MTM1: variants seen among roughly 807,000 people sequenced by gnomAD.
MTM1 encodes myotubularin.
MTM1 carries 9 observed loss-of-function variants against 52.1 expected under a neutral mutation model. The ratio of observed to expected loss-of-function variants is 0.17; its 90% CI spans 0.10 to 0.30. MTM1 has a LOEUF of 0.30. MTM1 is among the 10% of genes least tolerant of loss of function. The pLI is 1.00. For missense variants in MTM1, 277 were observed against 470.7 expected, an observed-to-expected ratio of 0.59 and a Z score of 3.81; for synonymous variants, 136 against 163.8, an observed-to-expected ratio of 0.83 and a Z score of 1.29.
intron 6 of MTM1, among the ~76,000 whole-genome samples, chrX:150,621,166 C>T (rs1161829101): frequency 9.3e-6 from 1 of 107,388 alleles, no homozygotes; most frequent in Non-Finnish European, 1.9e-5. Context: ...TTCTTGTTGC[C>T]CTGACCTCTT....
At chrX:150,566,727 G>A (rs1227312111), upstream of MTM1, among the ~76,000 whole-genome samples, 2 of 110,655 alleles carry the variant, frequency 1.8e-5, no homozygotes, top group South Asian at 7.6e-4. Context: ...CAGCTCCATC[G>A]AAAAGCTTTG....
chrX:150,652,122 CTG>C (rs1339678660), intron 10 of MTM1, among the ~76,000 whole-genome samples: 1 of 110,879 alleles, frequency 9.0e-6, no homozygotes, highest in Admixed American at 9.6e-5. Context: ...AAGCTTCAGC[CTG>C]TTTTGTAGAC....
intron 14 of MTM1, among the ~76,000 whole-genome samples, chrX:150,669,554 C>T (rs1179545688): frequency 9.0e-6 from 1 of 111,531 alleles, no homozygotes; most frequent in Non-Finnish European, 1.9e-5. Context: ...TTTTAATAAT[C>T]GCCATTCTGA....
intron 4 of MTM1, among the ~76,000 whole-genome samples, chrX:150,608,041 G>A (rs1005231363): frequency 2.7e-5 from 3 of 110,469 alleles, no homozygotes; most frequent in African/African-American, 9.9e-5. Context: ...GGGGAGGTGA[G>A]AAGAAGCTGA....
At chrX:150,615,485 TAAAAAA>T (rs10583459) in intron 5 of MTM1, among the ~76,000 whole-genome samples, 1 of 100,214 alleles carries the variant, frequency 1.0e-5, no homozygotes, top group Admixed American at 1.1e-4. Flanking sequence ...TTTGAAGTGT[TAAAAAA>T]AAAAAAAAAC....
chrX:150,638,909 A>G, intron 6 of MTM1, 34 bp from the exon 7 acceptor site: 1 of 1,020,780 alleles, frequency 9.8e-7, no homozygotes, highest in Non-Finnish European at 1.4e-6. Context: ...CTGTTCCTTC[A>G]CGCTGAACTT....
chrX:150,653,581 T>G (rs908598025), intron 10 of MTM1, among the ~76,000 whole-genome samples: 1 of 112,414 alleles, frequency 8.9e-6, no homozygotes, highest in Admixed American at 9.4e-5. Context: ...GCCCTGGGTC[T>G]GCTGACAGGT....
intron 4 of MTM1, among the ~76,000 whole-genome samples, chrX:150,609,027 A>C (rs1299746091): frequency 9.1e-6 from 1 of 110,229 alleles, no homozygotes; most frequent in Non-Finnish European, 1.9e-5. Flanking sequence ...ACGGGGTTTC[A>C]CCATGTTGGC....
At chrX:150,598,544 CT>C in intron 3 of MTM1, 47 bp from the exon 4 acceptor site, 1 of 749,241 alleles carries the variant, frequency 1.3e-6, no homozygotes, top group Non-Finnish European at 2.1e-6. Context: ...TGTTGTGTAT[CT>C]TGGTATCTAT....
intron 1 of MTM1, among the ~76,000 whole-genome samples, chrX:150,575,098 C>G (rs184273528): frequency 5.3e-5 from 6 of 112,401 alleles, no homozygotes; most frequent in African/African-American, 1.9e-4. Flanking sequence ...GTTTTGTAAG[C>G]CATATTAAAA....
At chrX:150,669,680 GTC>G (rs1557415094) in intron 14 of MTM1, among the ~76,000 whole-genome samples, 1 of 112,177 alleles carries the variant, frequency 8.9e-6, no homozygotes, top group African/African-American at 3.2e-5. Flanking sequence ...TTTGAGAAGT[GTC>G]TGTTCATATC....
chrX:150,670,735 C>T (rs2040382464), intron 14 of MTM1, among the ~76,000 whole-genome samples: 1 of 111,267 alleles, frequency 9.0e-6, no homozygotes, highest in African/African-American at 3.3e-5. Context: ...TCAGCAGTTC[C>T]ACCCCTAGGA....
intron 3 of MTM1, 62 bp from the exon 4 acceptor site, chrX:150,598,530 C>T: frequency 1.5e-6 from 1 of 664,632 alleles, no homozygotes; most frequent in Admixed American, 2.5e-5. Context: ...AAATTAGTGC[C>T]ATTTGTTGTG....
intron 4 of MTM1, among the ~76,000 whole-genome samples, chrX:150,603,712 G>A (rs927094789): frequency 1.8e-5 from 2 of 112,245 alleles, no homozygotes; most frequent in African/African-American, 6.5e-5. Context: ...CAACTACCAC[G>A]TGGAAATGGC....
chrX:150,612,484 G>A (rs1278727959), intron 4 of MTM1, among the ~76,000 whole-genome samples: 1 of 111,127 alleles, frequency 9.0e-6, no homozygotes, highest in Non-Finnish European at 1.9e-5. Flanking sequence ...TTGAGCCCAG[G>A]AGTTTGAGAC....
At chrX:150,608,251 C>T (rs1179367880) in intron 4 of MTM1, among the ~76,000 whole-genome samples, 6 of 111,438 alleles carry the variant, frequency 5.4e-5, no homozygotes, top group East Asian at 2.8e-4. Context: ...GACAGGGTCT[C>T]GCTGTTGCCC....
At chrX:150,641,220 A>G in intron 7 of MTM1, 49 bp from the exon 8 acceptor site, 2 of 1,205,330 alleles carry the variant, frequency 1.7e-6, no homozygotes, top group Non-Finnish European at 2.2e-6. Flanking sequence ...GGCCAAATCC[A>G]GAGATGAGGT....
chrX:150,647,172 C>T (rs1218018231), intron 9 of MTM1, among the ~76,000 whole-genome samples: 3 of 89,642 alleles, frequency 3.3e-5, no homozygotes, highest in Admixed American at 1.3e-4. Context: ...TACCTATTAT[C>T]TTTCATATAT....
chrX:150,633,379 C>G lies in MTM1; in HGVS notation c.445-5564C>G, dbSNP rs183080388. Among the ~76,000 whole-genome samples, 393 of 112,031 alleles carry G rather than the reference C, an allele frequency of 3.5e-3. 2 individuals are homozygous for G. The highest frequency in any genetic ancestry group is 0.012 in the African/African-American group (365 of 30,863). ...ATCTTTTGTCAGGTTTTTGGAATAA[C>G]TGCGTCAAAACTGATATAAATGAAC... On this transcript the variant is annotated intron_variant, in intron 6 of 14. Coordinates refer to ENST00000370396, the MANE Select transcript of MTM1 (RefSeq NM_000252.3).
Sources: allele counts gnomAD v4.1 joint callset (sites outside exome capture counted in the v4.1 genomes callset), GRCh38; gene constraint gnomAD v4.1.1; transcripts MANE v1.5; gene names NCBI Gene and HGNC (gene_info 2026-07-23, HGNC 2026-07-21).